GRIK3: variants seen among roughly 807,000 people sequenced by gnomAD.
GRIK3 encodes the protein glutamate ionotropic receptor kainate type subunit 3.
A neutral mutation model predicts 102.5 loss-of-function variants in GRIK3; 29 were observed. That is an observed-to-expected ratio of 0.28 (90% confidence interval 0.21 to 0.39). The LOEUF (loss-of-function observed/expected upper bound fraction) is 0.39, where lower values mean the gene tolerates loss of function less well. Ranked by LOEUF, GRIK3 falls within the 10% of genes least tolerant of loss-of-function variation. GRIK3 has a pLI of 1.00. For missense variants in GRIK3, 908 were observed against 1,252.4 expected (o/e 0.73, Z 4.15); for synonymous variants, 511 against 504.9 (o/e 1.01, Z -0.16).
At chr1:36,853,517 C>T in intron 8 of GRIK3, 98 bp downstream of exon 8, 1 of 775,286 alleles carries the variant, frequency 1.3e-6, no homozygotes, top group African/African-American at 1.7e-5. Flanking sequence ...TGGACTGTGT[C>T]TTGCCCCTTG....
At chr1:36,959,304 AGC>A (rs1641969752) in intron 1 of GRIK3, among the ~76,000 whole-genome samples, 1 of 93,546 alleles carries the variant, frequency 1.1e-5, no homozygotes, top group African/African-American at 4.0e-5. Context: ...GTGCCCTGTG[AGC>A]CTCTGTGCCC....
intron 1 of GRIK3, among the ~76,000 whole-genome samples, chr1:36,952,973 C>A (rs190696612): frequency 3.3e-5 from 5 of 152,326 alleles, no homozygotes; most frequent in African/African-American, 9.6e-5. Flanking sequence ...ATCAGCATCA[C>A]CATCAGGGTG....
At chr1:36,877,586 T>G (rs1640923727) in intron 3 of GRIK3, among the ~76,000 whole-genome samples, 1 of 152,194 alleles carries the variant, frequency 6.6e-6, no homozygotes, top group South Asian at 2.1e-4. Context: ...AGACCTTGCA[T>G]AGCCAGCTAC....
chr1:37,004,778 C>T (rs1642514332), intron 1 of GRIK3, among the ~76,000 whole-genome samples: 3 of 152,272 alleles, frequency 2.0e-5, no homozygotes, highest in Admixed American at 1.3e-4. Flanking sequence ...GCAGTGCCTG[C>T]AGCCCACACT....
At chr1:37,006,650 G>T (rs1474675818) in intron 1 of GRIK3, among the ~76,000 whole-genome samples, 1 of 152,242 alleles carries the variant, frequency 6.6e-6, no homozygotes, top group Non-Finnish European at 1.5e-5. Flanking sequence ...CAGTCTCCAT[G>T]CAAACCAGGC....
rs376501676 is a variant in GRIK3 at position 36,923,897 on chromosome 1, A to G, written c.116-32801T>C. Among the ~76,000 whole-genome samples the G allele has an allele frequency of 7.2e-5, 11 of 152,126 alleles. No homozygotes were observed. In the East Asian group the frequency reaches 1.8e-3, roughly 24 times the overall value. On this transcript the variant is annotated intron_variant, in intron 1 of 15. Transcript: ENST00000373091. The stretch of plus-strand genomic sequence containing the variant: ...GCTGTAAACACATGCATGTACACAC[A>G]CATGCACTGGCTGACCCACACATGC...
At chr1:36,952,657 C>A (rs1641859019) in intron 1 of GRIK3, among the ~76,000 whole-genome samples, 1 of 152,170 alleles carries the variant, frequency 6.6e-6, no homozygotes, top group Non-Finnish European at 1.5e-5. Context: ...GAGGAACTTG[C>A]CTCCAGGGAG....
intron 5 of GRIK3, among the ~76,000 whole-genome samples, chr1:36,860,566 G>A (rs1640710700): frequency 6.6e-6 from 1 of 152,198 alleles, no homozygotes; most frequent in Admixed American, 6.5e-5. Context: ...AGGAGCAGCT[G>A]AGCAGCGGTC....
At chr1:37,002,445 T>C (rs968090486) in intron 1 of GRIK3, among the ~76,000 whole-genome samples, 1 of 152,062 alleles carries the variant, frequency 6.6e-6, no homozygotes, top group Non-Finnish European at 1.5e-5. Flanking sequence ...GGAGAGTGGG[T>C]TGAGAAGCAG....
At chr1:36,985,041 C>A (rs1231333205) in intron 1 of GRIK3, among the ~76,000 whole-genome samples, 1 of 152,146 alleles carries the variant, frequency 6.6e-6, no homozygotes, top group Non-Finnish European at 1.5e-5. Flanking sequence ...AAAGATGATT[C>A]TGGGCACTGG....
intron 1 of GRIK3, among the ~76,000 whole-genome samples, chr1:36,897,165 A>G (rs890663038): frequency 6.6e-6 from 1 of 152,202 alleles, no homozygotes; most frequent in African/African-American, 2.4e-5. Flanking sequence ...AGGCAAGAAA[A>G]TGAAAAAGAA....
intron 1 of GRIK3, among the ~76,000 whole-genome samples, chr1:36,980,682 A>C (rs1642240178): frequency 6.6e-6 from 1 of 152,000 alleles, no homozygotes; most frequent in Admixed American, 6.5e-5. Context: ...TTCCCTCAGT[A>C]GGTATCTTCT....
intron 8 of GRIK3, among the ~76,000 whole-genome samples, chr1:36,851,663 G>A (rs899537449): frequency 1.3e-5 from 2 of 152,256 alleles, no homozygotes; most frequent in East Asian, 1.9e-4. Context: ...GGAGGACCCA[G>A]CCTGTGGAGG....
At chr1:36,995,057 C>G (rs1046380344) in intron 1 of GRIK3, among the ~76,000 whole-genome samples, 5 of 152,156 alleles carry the variant, frequency 3.3e-5, no homozygotes, top group African/African-American at 4.8e-5. Flanking sequence ...GCTGCGGAAG[C>G]CTGGAGCTTC....
intron 1 of GRIK3, among the ~76,000 whole-genome samples, chr1:37,008,721 G>A (rs892488258): frequency 6.6e-5 from 10 of 152,256 alleles, no homozygotes; most frequent in African/African-American, 1.7e-4. Context: ...GGATGGCCCC[G>A]CTTGCCTGAT....
At chr1:36,927,995 G>A (rs925903981) in intron 1 of GRIK3, among the ~76,000 whole-genome samples, 1 of 152,192 alleles carries the variant, frequency 6.6e-6, no homozygotes, top group Non-Finnish European at 1.5e-5. Context: ...GGCCTTGACT[G>A]GCCCTCCCTG....
At chr1:36,891,156 T>A in intron 1 of GRIK3, 60 bp from the exon 2 acceptor site, 1 of 1,318,858 alleles carries the variant, frequency 7.6e-7, no homozygotes, top group South Asian at 1.4e-5. Flanking sequence ...CTAGCAAGGA[T>A]GCTTGGCTCA....
intron 1 of GRIK3, among the ~76,000 whole-genome samples, chr1:36,902,472 C>T (rs527717734): frequency 2.6e-5 from 4 of 152,196 alleles, no homozygotes; most frequent in Admixed American, 2.0e-4. Context: ...AAAGGCAATA[C>T]GGTGGAGAAA....
chr1:37,031,125 C>T (rs753226312), intron 1 of GRIK3, among the ~76,000 whole-genome samples: 11 of 152,144 alleles, frequency 7.2e-5, no homozygotes, highest in Non-Finnish European at 1.3e-4. Context: ...ACAATAATAA[C>T]GACGATAATA....
Sources: gnomAD v4.1 joint callset for allele counts (sites outside exome capture counted in the v4.1 genomes callset) on GRCh38, gnomAD v4.1.1 for gene constraint, MANE v1.5 for transcripts, NCBI Gene and HGNC (gene_info 2026-07-23, HGNC 2026-07-21) for gene names.